The following RALYL variants were observed in gnomAD, a reference collection of about 807,000 sequenced individuals.
RALYL encodes the protein RNA-binding Raly-like protein.
RALYL carries 29 observed loss-of-function variants against 35.1 expected under a neutral mutation model. The ratio of observed to expected loss-of-function variants is 0.83; its 90% CI spans 0.61 to 1.13. RALYL has a LOEUF of 1.13. Ranked by LOEUF, RALYL falls within the 50% of genes most tolerant of loss-of-function variation. The pLI is 0.00. For synonymous variants in RALYL, 120 were observed against 127.6 expected (o/e 0.94, Z 0.40); for missense variants, 359 against 360.4 (o/e 1.00, Z 0.03).
At chr8:84,470,253 T>C (rs920714847) in intron 1 of RALYL, among the ~76,000 whole-genome samples, 4 of 152,198 alleles carry the variant, frequency 2.6e-5, no homozygotes, top group African/African-American at 9.6e-5. Flanking sequence ...GGCAATAACA[T>C]TAAGAGAATG....
At chr8:84,877,443 C>T (rs562240072) in intron 7 of RALYL, among the ~76,000 whole-genome samples, 5 of 152,116 alleles carry the variant, frequency 3.3e-5, no homozygotes, top group Admixed American at 2.0e-4. Context: ...ACTGAGATCA[C>T]GCCACTGCAC....
At chr8:84,340,776 A>G (rs1848649459) in intron 1 of RALYL, among the ~76,000 whole-genome samples, 1 of 152,084 alleles carries the variant, frequency 6.6e-6, no homozygotes, top group African/African-American at 2.4e-5. Flanking sequence ...TGCAATGTGC[A>G]TGGGAGTGCA....
At chr8:84,214,936 C>A (rs954380442) in intron 1 of RALYL, among the ~76,000 whole-genome samples, 1 of 151,302 alleles carries the variant, frequency 6.6e-6, no homozygotes, top group Non-Finnish European at 1.5e-5. Context: ...GACGGAGTCT[C>A]ACTCTGTCAC....
At chr8:84,847,911 C>T (rs1467483725) in intron 4 of RALYL, among the ~76,000 whole-genome samples, 2 of 152,138 alleles carry the variant, frequency 1.3e-5, no homozygotes, top group Admixed American at 6.5e-5. Flanking sequence ...ATTAGGTCTG[C>T]TCTTAGATCA....
chr8:84,310,919 C>T (rs1459796143), intron 1 of RALYL, among the ~76,000 whole-genome samples: 8 of 144,228 alleles, frequency 5.5e-5, no homozygotes, highest in African/African-American at 7.8e-5. Context: ...CGGTGGCGGG[C>T]GCCTGTAGTC....
At chr8:84,780,968 C>T (rs112459507) in intron 3 of RALYL, among the ~76,000 whole-genome samples, 13,812 of 152,210 alleles carry the variant, frequency 0.091, 863 homozygotes, top group Middle Eastern at 0.15. Context: ...GAGTGATCTT[C>T]CCACCTCAGT....
At chr8:84,289,564 TAGAG>T in intron 1 of RALYL, among the ~76,000 whole-genome samples, 2 of 152,112 alleles carry the variant, frequency 1.3e-5, no homozygotes, top group Non-Finnish European at 2.9e-5. Flanking sequence ...CTCCCACTAG[TAGAG>T]TATGAGGATT....
chr8:84,295,857 T>G (rs1454227595), intron 1 of RALYL, among the ~76,000 whole-genome samples: 1 of 152,146 alleles, frequency 6.6e-6, no homozygotes, highest in African/African-American at 2.4e-5. Flanking sequence ...AGGTGTTCTC[T>G]ATGGGTCTAA....
At chr8:84,715,544 CT>C (rs1337477740) in intron 2 of RALYL, among the ~76,000 whole-genome samples, 1 of 151,858 alleles carries the variant, frequency 6.6e-6, no homozygotes, top group Non-Finnish European at 1.5e-5. Context: ...GAAAAAATAT[CT>C]TGAGGAAAGT....
intron 1 of RALYL, among the ~76,000 whole-genome samples, chr8:84,313,301 C>G (rs1385764091): frequency 1.3e-5 from 2 of 152,222 alleles, no homozygotes; most frequent in Admixed American, 6.5e-5. Context: ...TCAAAGATCT[C>G]TGACATGCCC....
At chr8:84,223,156 T>TCCTTTCCTTTCCTTTC (rs1422103254) in intron 1 of RALYL, among the ~76,000 whole-genome samples, 6 of 122,654 alleles carry the variant, frequency 4.9e-5, no homozygotes, top group African/African-American at 1.7e-4. Context: ...TCCTTTCCTT[T>TCCTTTCCTTTCCTTTC]CTTTCCTTCC....
chr8:84,285,644 G>T (rs1837451044), intron 1 of RALYL, among the ~76,000 whole-genome samples: 1 of 152,064 alleles, frequency 6.6e-6, no homozygotes, highest in East Asian at 1.9e-4. Context: ...AAGAGTTATA[G>T]GGATATCTTG....
At chr8:84,441,338 G>C (rs1042100493) in intron 1 of RALYL, among the ~76,000 whole-genome samples, 2 of 151,982 alleles carry the variant, frequency 1.3e-5, no homozygotes, top group African/African-American at 4.8e-5. Flanking sequence ...TTTGTCAAAG[G>C]CACTGAGGTG....
At chr8:84,212,376 G>A (rs1426426512) in intron 1 of RALYL, among the ~76,000 whole-genome samples, 1 of 152,000 alleles carries the variant, frequency 6.6e-6, no homozygotes, top group East Asian at 1.9e-4. Flanking sequence ...ATGCTTAATA[G>A]TTGATACCGT....
chr8:84,361,885 A>C (rs1213206343), intron 1 of RALYL, among the ~76,000 whole-genome samples: 3 of 152,174 alleles, frequency 2.0e-5, no homozygotes, highest in Non-Finnish European at 4.4e-5. Flanking sequence ...GTAGTAGAAG[A>C]AGCCCCTGTT....
At chr8:84,903,317 A>T (rs1196871739) in intron 8 of RALYL, among the ~76,000 whole-genome samples, 5 of 152,202 alleles carry the variant, frequency 3.3e-5, no homozygotes, top group Admixed American at 3.3e-4. Flanking sequence ...CAGTTGATAC[A>T]TAATTATCTT....
intron 1 of RALYL, among the ~76,000 whole-genome samples, chr8:84,332,716 C>G (rs1173544200): frequency 6.6e-6 from 1 of 152,054 alleles, no homozygotes; most frequent in Admixed American, 6.6e-5. Flanking sequence ...GCCTGTCTTC[C>G]TAGTGACCTT....
chr8:84,564,752 A>G (rs2061672205), intron 2 of RALYL, among the ~76,000 whole-genome samples: 1 of 151,630 alleles, frequency 6.6e-6, no homozygotes, highest in South Asian at 2.1e-4. Context: ...GTCCCAAACT[A>G]CATTTCATCG....
chr8:84,890,758 A>T (rs2135455187), intron 8 of RALYL, among the ~76,000 whole-genome samples: 1 of 152,196 alleles, frequency 6.6e-6, no homozygotes, highest in South Asian at 2.1e-4. Context: ...TGGAAGCATG[A>T]AGAAAGCAAA....
Sources: gnomAD v4.1 joint callset for allele counts (sites outside exome capture counted in the v4.1 genomes callset) on GRCh38, gnomAD v4.1.1 for gene constraint, MANE v1.5 for transcripts, NCBI Gene and HGNC (gene_info 2026-07-23, HGNC 2026-07-21) for gene names.